AGAP1: variants seen among roughly 807,000 people sequenced by gnomAD.
AGAP1 encodes the protein ArfGAP with GTPase domain, ankyrin repeat and PH domain 1.
A neutral mutation model predicts 105.3 loss-of-function variants in AGAP1; 29 were observed. The observed-to-expected ratio is 0.28, with a 90% CI of 0.21 to 0.38. The LOEUF is 0.38. AGAP1 is among the 10% of genes least tolerant of loss of function. AGAP1 has a pLI of 1.00. For synonymous variants in AGAP1, 509 were observed against 485.9 expected (o/e 1.05, Z -0.63); for missense variants, 998 against 1,165.1 (o/e 0.86, Z 2.09).
At chr2:235,661,587 G>C (rs1241265647) in intron 1 of AGAP1, among the ~76,000 whole-genome samples, 1 of 152,168 alleles carries the variant, frequency 6.6e-6, no homozygotes, top group Admixed American at 6.5e-5. Context: ...ATCTGCAGCG[G>C]GACTTGGTGA....
At chr2:235,986,298 G>A (rs770177666) in intron 13 of AGAP1, among the ~76,000 whole-genome samples, 2 of 152,152 alleles carry the variant, frequency 1.3e-5, no homozygotes, top group African/African-American at 2.4e-5. Flanking sequence ...AGGAATGCTT[G>A]TGATTTTTGC....
At position 235,801,758 on chromosome 2, in the gene AGAP1, C is replaced by G. The variant is rs527631232; in HGVS notation, c.957+2236C>G. On this transcript the variant is annotated intron_variant, in intron 8 of 17. Coordinates refer to ENST00000304032, the MANE Select transcript of AGAP1 (RefSeq NM_001037131.3). This position sits in a 1 kb window ranked among gnomAD's most constrained non-coding sequence, Gnocchi z 6.0. Reference sequence around the variant, plus strand: ...GGGGCGGGCTTGTCATCGTGGTGGTCGAGAACACCTTCTGTGTCTTTGTTA... The same window carrying G: ...GGGGCGGGCTTGTCATCGTGGTGGTGGAGAACACCTTCTGTGTCTTTGTTA... 2.6e-5 allele frequency among the ~76,000 whole-genome samples: 4 copies of G among 152,084 alleles called. No homozygotes were observed. Among genetic ancestry groups the G allele is most frequent in the Non-Finnish European group, 5.9e-5 (4 of 68,024 alleles).
At chr2:235,706,511 G>T (rs1950544458) in intron 1 of AGAP1, among the ~76,000 whole-genome samples, 1 of 152,040 alleles carries the variant, frequency 6.6e-6, no homozygotes, top group Non-Finnish European at 1.5e-5. Context: ...GAGCCACCGC[G>T]CCCGGCCAAG....
chr2:235,556,762 C>T lies in AGAP1; in HGVS notation c.163+61913C>T, dbSNP rs945034585. ...TATTAAACTTTTCAGACTGTAAGAT[C>T]GTGAATCTGAAAGTCGTTGCTTATT... On this transcript the variant is annotated intron_variant, in intron 1 of 17. Coordinates refer to ENST00000304032, the MANE Select transcript of AGAP1 (RefSeq NM_001037131.3). The surrounding 1 kb of genome is among the most constrained non-coding windows in gnomAD (Gnocchi z 5.3). Among the ~76,000 whole-genome samples, 1 of 152,184 alleles carries T rather than the reference C, an allele frequency of 6.6e-6. No individual in the cohort carries two copies. Among genetic ancestry groups the T allele is most frequent in the African/African-American group, 2.4e-5 (1 of 41,454 alleles).
At position 235,930,656 on chromosome 2, in the gene AGAP1, C is replaced by A; in HGVS notation, c.1325-109C>A. The A allele has an allele frequency of 8.7e-7, 1 of 1,143,834 alleles. No individual in the cohort carries two copies. The highest frequency in any genetic ancestry group is 1.2e-6 in the Non-Finnish European group (1 of 816,504). 70.9% of individuals were successfully genotyped at this position (1,143,834 alleles called of 1,614,324 possible). ...ATGCAGGCAGGACAGGGGCTGCTCT[C>A]GGTGGTAAGGTGCACTATGTGCCAG... On this transcript the variant is annotated intron_variant, in intron 11 of 17. Coordinates refer to ENST00000304032, the MANE Select transcript of AGAP1 (RefSeq NM_001037131.3). The surrounding 1 kb of genome is among the most constrained non-coding windows in gnomAD (Gnocchi z 7.9).
rs1235914558 is a variant in AGAP1, at chr2:235,601,706, G to A, written c.163+106857G>A. On this transcript the variant is annotated intron_variant, in intron 1 of 17. Coordinates refer to ENST00000304032, the MANE Select transcript of AGAP1 (RefSeq NM_001037131.3). This position sits in a 1 kb window ranked among gnomAD's most constrained non-coding sequence, Gnocchi z 4.4. Reference sequence around the variant, plus strand: ...CACAGCCAAACCATATCACCAGTCCGTGGAGCCAGGTGTGGTGGCTCACAC... The same window carrying A: ...CACAGCCAAACCATATCACCAGTCCATGGAGCCAGGTGTGGTGGCTCACAC... 1.3e-5 allele frequency among the ~76,000 whole-genome samples: 2 copies of A among 152,184 alleles called. No homozygotes were observed. Among genetic ancestry groups the A allele is most frequent in the Non-Finnish European group, 2.9e-5 (2 of 68,038 alleles).
chr2:235,832,535 A>G (rs1321237745), intron 9 of AGAP1, among the ~76,000 whole-genome samples: 1 of 152,262 alleles, frequency 6.6e-6, no homozygotes, highest in Non-Finnish European at 1.5e-5. Flanking sequence ...TATACATTGT[A>G]TGAAATGTAG....
At position 235,894,354 on chromosome 2, in the gene AGAP1, G is replaced by A. The variant is rs888677481; in HGVS notation, c.1155+10905G>A. Among the ~76,000 whole-genome samples, 15 of 152,098 alleles carry A rather than the reference G, an allele frequency of 9.9e-5. No individual in the cohort carries two copies. The South Asian group carries it at 2.5e-3, about 25-fold the overall frequency. ...CATCCTTGAGTCCGTGATGTTCTTC[G>A]CTTCCCTGGGAACAGCCAGAGTCCA... On this transcript the variant is annotated intron_variant, in intron 10 of 17. Transcript: ENST00000304032.
intron 13 of AGAP1, among the ~76,000 whole-genome samples, chr2:235,997,158 C>T (rs12986937): frequency 6.6e-6 from 1 of 152,026 alleles, no homozygotes; most frequent in African/African-American, 2.4e-5. Flanking sequence ...GGCGCAATCT[C>T]GGCTCACTGC....
intron 11 of AGAP1, among the ~76,000 whole-genome samples, chr2:235,917,285 T>C (rs2051938860): frequency 6.6e-6 from 1 of 152,088 alleles, no homozygotes; most frequent in Non-Finnish European, 1.5e-5. Flanking sequence ...TTTTGAGTAT[T>C]GAACTGCCGT....
rs187580955 is a variant in AGAP1 at position 235,569,459 on chromosome 2, A to G, written c.163+74610A>G. ...TTCAGTTTTACAGATAGGGAAACTTAGGCACAGAGAGACTTTTGGTGGCTC... is the reference window on the plus strand; with the variant it reads ...TTCAGTTTTACAGATAGGGAAACTTGGGCACAGAGAGACTTTTGGTGGCTC... On this transcript the variant is annotated intron_variant, in intron 1 of 17. Transcript: ENST00000304032. The surrounding 1 kb of genome is among the most constrained non-coding windows in gnomAD (Gnocchi z 5.9). Among the ~76,000 whole-genome samples the G allele has an allele frequency of 3.3e-5, 5 of 152,318 alleles. No homozygotes were observed. The highest frequency in any genetic ancestry group is 1.9e-4 in the East Asian group (1 of 5,176).
At chr2:235,672,019 C>T (rs1337047339) in intron 1 of AGAP1, among the ~76,000 whole-genome samples, 1 of 151,674 alleles carries the variant, frequency 6.6e-6, no homozygotes, top group East Asian at 1.9e-4. Flanking sequence ...ATATTGTGGC[C>T]ACAGACAAGA....
At chr2:236,018,641 T>A (rs1201826176) in intron 13 of AGAP1, among the ~76,000 whole-genome samples, 1 of 152,228 alleles carries the variant, frequency 6.6e-6, no homozygotes, top group Non-Finnish European at 1.5e-5. Context: ...CAAGGGGGCA[T>A]TTCTTGGGAT....
intron 9 of AGAP1, among the ~76,000 whole-genome samples, chr2:235,826,819 G>A (rs1468618659): frequency 6.6e-6 from 1 of 152,170 alleles, no homozygotes; most frequent in Non-Finnish European, 1.5e-5. Context: ...CTGTGGAGGT[G>A]GCTGGCTGTC....
At chr2:235,496,194 T>A (rs1230574705) in intron 1 of AGAP1, among the ~76,000 whole-genome samples, 1 of 152,256 alleles carries the variant, frequency 6.6e-6, no homozygotes, top group South Asian at 2.1e-4. Context: ...CCAGGCTGGA[T>A]GACTGGCAGA....
rs58524866 is a variant in AGAP1 at position 235,866,358 on chromosome 2, G to A, written c.1051-16987G>A. 0.015 allele frequency among the ~76,000 whole-genome samples: 2,213 copies of A among 152,236 alleles called. 47 individuals carry two copies. The highest frequency in any genetic ancestry group is 0.048 in the African/African-American group (1,984 of 41,516). On this transcript the variant is annotated intron_variant, in intron 9 of 17. Transcript: ENST00000304032. The surrounding 1 kb of genome is among the most constrained non-coding windows in gnomAD (Gnocchi z 6.1). Reference sequence around the variant, plus strand: ...AGGGAGACAATCCGTGTGTGTGATCGGGGTGTTCTGGACTTGAGGTACCTG... The same window carrying A: ...AGGGAGACAATCCGTGTGTGTGATCAGGGTGTTCTGGACTTGAGGTACCTG...
At chr2:235,997,771 G>A (rs1040513284) in intron 13 of AGAP1, among the ~76,000 whole-genome samples, 1 of 152,130 alleles carries the variant, frequency 6.6e-6, no homozygotes, top group Non-Finnish European at 1.5e-5. Flanking sequence ...CAAATGGAAG[G>A]TTCTGGTCTG....
intron 5 of AGAP1, among the ~76,000 whole-genome samples, chr2:235,745,454 G>C (rs1210997616): frequency 6.6e-6 from 1 of 152,118 alleles, no homozygotes; most frequent in Non-Finnish European, 1.5e-5. Context: ...CAATGTCCTC[G>C]CTCTTGATCA....
Position 235,608,694 on chromosome 2 carries a change from A to C in AGAP1, c.164-100485A>C, listed in dbSNP as rs1041334684. Among the ~76,000 whole-genome samples, 1 of 152,198 alleles carries C rather than the reference A, an allele frequency of 6.6e-6. No individual in the cohort carries two copies. The highest frequency in any genetic ancestry group is 2.4e-5 in the African/African-American group (1 of 41,440). ...TCTGGATTCCGGACGCCCTGCTGCT[A>C]CTTGGCCTCCAACCAAAAAATTGTT... On this transcript the variant is annotated intron_variant, in intron 1 of 17. Transcript: ENST00000304032. The surrounding 1 kb of genome is among the most constrained non-coding windows in gnomAD (Gnocchi z 5.4).
Sources: gnomAD v4.1 joint callset for allele counts (sites outside exome capture counted in the v4.1 genomes callset) on GRCh38, gnomAD v4.1.1 for gene constraint, Gnocchi (gnomAD v3.1) non-coding constraint, MANE v1.5 for transcripts, NCBI Gene and HGNC (gene_info 2026-07-23, HGNC 2026-07-21) for gene names.